Variants in RUNX2 observed in about 807,000 individuals in gnomAD.
RUNX2 encodes RUNX family transcription factor 2.
Under a neutral mutation model 51.7 loss-of-function variants are expected in RUNX2, and 10 were observed. The observed-to-expected ratio is 0.19, with a 90% CI of 0.12 to 0.33. The LOEUF (loss-of-function observed/expected upper bound fraction) is 0.33. RUNX2 is among the 10% of genes least tolerant of loss of function. The pLI, the probability that RUNX2 is intolerant of heterozygous loss-of-function variation, is 1.00. For synonymous variants in RUNX2, 276 were observed against 273.6 expected, an observed-to-expected ratio of 1.01 and a Z score of -0.09; for missense variants, 562 against 691.3, an observed-to-expected ratio of 0.81 and a Z score of 2.10.
intron 5 of RUNX2, among the ~76,000 whole-genome samples, chr6:45,440,490 T>G (rs921048419): frequency 1.3e-4 from 20 of 152,188 alleles, no homozygotes; most frequent in Admixed American, 1.3e-3. Flanking sequence ...TAGCAAATCC[T>G]TTAGACTCTG....
At chr6:45,353,254 T>C (rs1381930658) in intron 2 of RUNX2, among the ~76,000 whole-genome samples, 1 of 152,022 alleles carries the variant, frequency 6.6e-6, no homozygotes, top group Non-Finnish European at 1.5e-5. Context: ...CTACTTAAAA[T>C]TTGCACTTAG....
At chr6:45,379,825 C>G (rs1430862807) in intron 2 of RUNX2, among the ~76,000 whole-genome samples, 1 of 151,858 alleles carries the variant, frequency 6.6e-6, no homozygotes, top group Non-Finnish European at 1.5e-5. Context: ...GAGATCACGC[C>G]GCTGCTCTCC....
intron 7 of RUNX2, among the ~76,000 whole-genome samples, chr6:45,524,811 T>C (rs1256211099): frequency 6.6e-6 from 1 of 152,190 alleles, no homozygotes; most frequent in African/African-American, 2.4e-5. Context: ...ATTCTCAGTG[T>C]GGCTTAAAGA....
In RUNX2 at chr6:45,405,133, C is replaced by T. The variant is rs1041820707; in HGVS notation, c.59-17460C>T. Among the ~76,000 whole-genome samples the T allele has an allele frequency of 4.6e-5, 7 of 152,176 alleles. No individual in the cohort carries two copies. The East Asian group carries it at 1.3e-3, about 29-fold the overall frequency. On this transcript the variant is annotated intron_variant, in intron 2 of 8. Coordinates refer to ENST00000647337, the MANE Select transcript of RUNX2 (RefSeq NM_001024630.4). ...ATGATTTAATAACTTGTTAATTCTC[C>T]ATAAAATCTTATTTGCCCATAGAGG... is the stretch of plus-strand genomic sequence containing the variant.
chr6:45,350,166 A>G (rs1791723406), intron 2 of RUNX2, among the ~76,000 whole-genome samples: 1 of 152,238 alleles, frequency 6.6e-6, no homozygotes, highest in South Asian at 2.1e-4. Flanking sequence ...TACAATTAGA[A>G]TGTAGCCCTG....
At chr6:45,401,178 G>T (rs2150352052) in intron 2 of RUNX2, among the ~76,000 whole-genome samples, 1 of 152,240 alleles carries the variant, frequency 6.6e-6, no homozygotes, top group East Asian at 1.9e-4. Flanking sequence ...CTTCCAGTGG[G>T]TAAACCCTGC....
chr6:45,432,143 T>C, intron 4 of RUNX2, 124 bp downstream of exon 4: 1 of 921,620 alleles, frequency 1.1e-6, no homozygotes, highest in Non-Finnish European at 1.7e-6. Flanking sequence ...GAAGATTTGA[T>C]TTAAATACAT....
chr6:45,376,339 C>T (rs1429821364), intron 2 of RUNX2, among the ~76,000 whole-genome samples: 1 of 152,226 alleles, frequency 6.6e-6, no homozygotes, highest in African/African-American at 2.4e-5. Context: ...TATCAAGACT[C>T]GGAAGGACTC....
intron 6 of RUNX2, among the ~76,000 whole-genome samples, chr6:45,495,063 G>A (rs951437719): frequency 6.6e-6 from 1 of 152,168 alleles, no homozygotes; most frequent in Non-Finnish European, 1.5e-5. Context: ...CAAGGCCACT[G>A]TGTTATCTTC....
At chr6:45,385,877 G>T (rs1797336773) in intron 2 of RUNX2, among the ~76,000 whole-genome samples, 1 of 152,120 alleles carries the variant, frequency 6.6e-6, no homozygotes, top group South Asian at 2.1e-4. Flanking sequence ...TCCAGCCTTG[G>T]TGAAAAAGCA....
intron 6 of RUNX2, among the ~76,000 whole-genome samples, chr6:45,510,064 A>C (rs1801096424): frequency 6.6e-6 from 1 of 152,196 alleles, no homozygotes; most frequent in African/African-American, 2.4e-5. Context: ...TTTCCATCTG[A>C]AGATCATTTA....
At chr6:45,433,219 C>A (rs1487318299) in intron 4 of RUNX2, among the ~76,000 whole-genome samples, 1 of 152,040 alleles carries the variant, frequency 6.6e-6, no homozygotes, top group Non-Finnish European at 1.5e-5. Context: ...TCACAGCCTC[C>A]GGTAGAATCA....
At chr6:45,494,986 G>C (rs561008465) in intron 6 of RUNX2, among the ~76,000 whole-genome samples, 1 of 152,212 alleles carries the variant, frequency 6.6e-6, no homozygotes, top group Non-Finnish European at 1.5e-5. Context: ...GCTTCTCTCT[G>C]TACCCCTTTA....
intron 7 of RUNX2, among the ~76,000 whole-genome samples, chr6:45,526,566 A>T (rs1322922786): frequency 2.6e-5 from 4 of 152,250 alleles, no homozygotes; most frequent in Non-Finnish European, 5.9e-5. Flanking sequence ...TTAATGAAAC[A>T]TTACTGTCAT....
At chr6:45,395,000 G>C (rs186292380) in intron 2 of RUNX2, among the ~76,000 whole-genome samples, 1 of 152,212 alleles carries the variant, frequency 6.6e-6, no homozygotes, top group Non-Finnish European at 1.5e-5. Context: ...TTTTATTGTT[G>C]CTCTTTTTAA....
At chr6:45,497,420 AC>A (rs1471545433) in intron 6 of RUNX2, among the ~76,000 whole-genome samples, 1 of 151,782 alleles carries the variant, frequency 6.6e-6, no homozygotes, top group East Asian at 1.9e-4. Flanking sequence ...ATTTATTGTG[AC>A]TTTTTCTCCT....
At chr6:45,372,170 C>G (rs1036361262) in intron 2 of RUNX2, 2 of 260,960 alleles carry the variant, frequency 7.7e-6, no homozygotes, top group Non-Finnish European at 1.2e-5. Context: ...ATTATAGGCT[C>G]TAACACTTAC....
chr6:45,535,476 T>C (rs1189458224), intron 7 of RUNX2, among the ~76,000 whole-genome samples: 1 of 151,536 alleles, frequency 6.6e-6, no homozygotes, highest in Non-Finnish European at 1.5e-5. Context: ...TGGTGGCGGG[T>C]GCCTGTAGTC....
At chr6:45,364,929 T>C (rs1794870500) in intron 2 of RUNX2, among the ~76,000 whole-genome samples, 1 of 152,130 alleles carries the variant, frequency 6.6e-6, no homozygotes, top group South Asian at 2.1e-4. Context: ...CTCAGGCAAA[T>C]AATTAGAGCA....
Sources: allele counts gnomAD v4.1 joint callset (sites outside exome capture counted in the v4.1 genomes callset), GRCh38; gene constraint gnomAD v4.1.1; transcripts MANE v1.5; gene names NCBI Gene and HGNC (gene_info 2026-07-23, HGNC 2026-07-21).